Variants in ADGRB2 observed in about 807,000 individuals in gnomAD.
ADGRB2 encodes the protein adhesion G protein-coupled receptor B2, also known as brain-specific angiogenesis inhibitor 2.
In ADGRB2, 47 loss-of-function variants were observed where a neutral mutation model predicts 178.7. That is an observed-to-expected ratio of 0.26 (90% CI 0.21 to 0.34). The LOEUF is 0.34. Among genes scored for constraint, ADGRB2 ranks in the 10% least tolerant of loss-of-function variants. ADGRB2 has a pLI of 1.00. For missense variants in ADGRB2, 1,584 were observed against 2,180.8 expected, an observed-to-expected ratio of 0.73 and a Z score of 5.45; for synonymous variants, 870 against 912.4, an observed-to-expected ratio of 0.95 and a Z score of 0.84.
Position 31,744,243 on chromosome 1 carries a change from C to A in ADGRB2, c.1037G>T (p.Ser346Ile). 3.9e-6 allele frequency: 6 copies of A among 1,549,224 alleles called. No individual in the cohort carries two copies. Among genetic ancestry groups the A allele is most frequent in the Non-Finnish European group, 5.2e-6 (6 of 1,145,656 alleles). ...CVSSPYGTLC[S>I]GPLRETRPCN... ...GGGCCTGGTCTCCCGCAGGGGCCCGCTGCACAGGGTCCCATAGGGGGAGGA... is the reference window on the plus strand; with the variant it reads ...GGGCCTGGTCTCCCGCAGGGGCCCGATGCACAGGGTCCCATAGGGGGAGGA... The change falls in exon 6 of 33, where the codon AGC (serine) becomes ATC (isoleucine). Residue 346 changes from serine (S) to isoleucine (I), a missense_variant. By Grantham distance (142) the Ser-to-Ile change is moderately radical. This residue lies in a region of ADGRB2 where 657 missense variants were observed against 847.6 expected (regional missense o/e 0.78). Transcript: ENST00000373658. This position sits in a 1 kb window ranked among gnomAD's most constrained non-coding sequence, Gnocchi z 6.7.
At position 31,730,992 on chromosome 1, in the gene ADGRB2, G is replaced by T; in HGVS notation, c.4188C>A (p.Pro1396=). ...CCGAGTGGTCCACGGACAGGAAGCT[G>T]GGGTAGCCTTCAGTGTGGGCCACTG... ...AKTVAHTEGY[P]SFLSVDHSGL... The change falls in exon 29 of 33, where the codon CCC becomes CCA. Residue 1396 remains proline, a synonymous_variant. Transcript: ENST00000373658. The T allele has an allele frequency of 6.4e-7, 1 of 1,568,464 alleles. No homozygotes were observed. Among genetic ancestry groups the T allele is most frequent in the Admixed American group, 1.8e-5 (1 of 55,944 alleles).
intron 1 of ADGRB2, among the ~76,000 whole-genome samples, chr1:31,763,289 A>G (rs573502983): frequency 6.7e-6 from 1 of 148,350 alleles, no homozygotes; most frequent in African/African-American, 2.5e-5. Context: ...GACTCCGGTC[A>G]GATAGATATG....
chr1:31,733,979 A>G lies in ADGRB2; in HGVS notation c.3453-836T>C, dbSNP rs1363057293. ...CCTTCGCAAACACCCCCAGTGGGAG[A>G]GTCAGGCACAGCTCTAGGCATGGCA... is the stretch of plus-strand genomic sequence containing the variant. On this transcript the variant is annotated intron_variant, in intron 25 of 32. Transcript: ENST00000373658. This position sits in a 1 kb window ranked among gnomAD's most constrained non-coding sequence, Gnocchi z 4.3. 6.6e-6 allele frequency among the ~76,000 whole-genome samples: 1 copy of G among 152,172 alleles called. No homozygotes were observed. Among genetic ancestry groups the G allele is most frequent in the Non-Finnish European group, 1.5e-5 (1 of 68,026 alleles).
At chr1:31,748,637 C>T (rs1185440942) in intron 4 of ADGRB2, among the ~76,000 whole-genome samples, 3 of 152,242 alleles carry the variant, frequency 2.0e-5, no homozygotes, top group Non-Finnish European at 4.4e-5. Context: ...CTGAGTGTTC[C>T]ACCCAGTGAG....
In ADGRB2 at chr1:31,739,561, T is replaced by C. The variant is rs771213459; in HGVS notation, c.2242A>G (p.Met748Val). 3.1e-6 allele frequency: 5 copies of C among 1,612,508 alleles called. No homozygotes were observed. The highest frequency in any genetic ancestry group is 4.2e-6 in the Non-Finnish European group (5 of 1,179,580). The change falls in exon 15 of 33, where the codon ATG (methionine) becomes GTG (valine). Residue 748 changes from methionine to valine, a missense_variant. Coordinates refer to ENST00000373658, the MANE Select transcript of ADGRB2 (RefSeq NM_001364857.2). ...TCTGAGTGCCGCACCCAGTCCTTCA[T>C]GCCCCGGCGGCCCCGCATGGGGAAC... ...ITFPMRGRRGMKDWVRHSEDR... is the reference protein window; with the variant it reads ...ITFPMRGRRGVKDWVRHSEDR...
At position 31,728,749 on chromosome 1, in the gene ADGRB2, A is replaced by C; in HGVS notation, c.4381-116T>G. 1 of 1,251,416 alleles carries C rather than the reference A, an allele frequency of 8.0e-7. No individual in the cohort carries two copies. The allele number at this position is 1,251,416 out of a possible 1,614,324, so 77.5% of individuals were successfully genotyped here. A position where few individuals can be genotyped will look rare whatever the true frequency, so the allele number is the denominator to read the frequency against. ...GGTCTGCCCGCTGCACCTTCCCCCC[A>C]ACCCAGGCCCAGAAGTTGCGGACCT... On this transcript the variant is annotated intron_variant, in intron 29 of 32. Coordinates refer to ENST00000373658, the MANE Select transcript of ADGRB2 (RefSeq NM_001364857.2). This position sits in a 1 kb window ranked among gnomAD's most constrained non-coding sequence, Gnocchi z 6.7.
chr1:31,744,629 G>C lies in ADGRB2; in HGVS notation c.922+19C>G, dbSNP rs752408731. 1 of 1,613,176 alleles carries C rather than the reference G, an allele frequency of 6.2e-7. No homozygotes were observed. Among genetic ancestry groups the C allele is most frequent in the South Asian group, 1.1e-5 (1 of 90,950 alleles). ...AGTCGGGCCCCCGCCGCAGAGGAAGGGAGGCGGGCCCGAGTTACCTGTCTG... is the reference window on the plus strand; with the variant it reads ...AGTCGGGCCCCCGCCGCAGAGGAAGCGAGGCGGGCCCGAGTTACCTGTCTG... On this transcript the variant is annotated intron_variant, in intron 5 of 32. Transcript: ENST00000373658. This position sits in a 1 kb window ranked among gnomAD's most constrained non-coding sequence, Gnocchi z 6.7.
In ADGRB2 at chr1:31,728,327, T is replaced by A. The variant is rs774174333; in HGVS notation, c.4417-47A>T. ...AGGGTCGCTCCCCGGGGCAGCACCA[T>A]GATCCCCCCTACCCAGGGCACTCAG... On this transcript the variant is annotated intron_variant, in intron 30 of 32. Transcript: ENST00000373658. The surrounding 1 kb of genome is among the most constrained non-coding windows in gnomAD (Gnocchi z 6.7). 6.3e-7 allele frequency: 1 copy of A among 1,578,994 alleles called. No homozygotes were observed. The highest frequency in any genetic ancestry group is 2.2e-5 in the East Asian group (1 of 44,452).
Position 31,727,711 on chromosome 1 carries a change from A to C in ADGRB2, c.4573-106T>G. ...GAGAGGGCTGGTAATGCCCAAAGTTATGGAGCAATCAGGTGTCAAGCAGAA... is the reference window on the plus strand; with the variant it reads ...GAGAGGGCTGGTAATGCCCAAAGTTCTGGAGCAATCAGGTGTCAAGCAGAA... On this transcript the variant is annotated intron_variant, in intron 32 of 32. Coordinates refer to ENST00000373658, the MANE Select transcript of ADGRB2 (RefSeq NM_001364857.2). This position sits in a 1 kb window ranked among gnomAD's most constrained non-coding sequence, Gnocchi z 4.4. The C allele has an allele frequency of 8.2e-7, 1 of 1,218,258 alleles. No homozygotes were observed. Among genetic ancestry groups the C allele is most frequent in the Non-Finnish European group, 1.1e-6 (1 of 907,856 alleles). 75.5% of individuals were successfully genotyped at this position (1,218,258 alleles called of 1,614,324 possible).
chr1:31,731,073 A>G lies in ADGRB2; in HGVS notation c.4107T>C (p.Gly1369=). ...GCCGGGCCCTGGGGGCATCCTCACC[A>G]CCTCCACCCCCACCGCCAGGCTGCA... ...LSLQPGGGGG[G]GEDAPRARPE... Residue 1369 remains glycine, a synonymous_variant, in exon 29 of 33, where the codon GGT becomes GGC. Transcript: ENST00000373658. 1 of 1,575,194 alleles carries G rather than the reference A, an allele frequency of 6.3e-7. No homozygotes were observed. The highest frequency in any genetic ancestry group is 8.6e-7 in the Non-Finnish European group (1 of 1,160,540).
chr1:31,739,900 C>T (rs1451560271), intron 14 of ADGRB2, 26 bp downstream of exon 14: 1 of 1,599,220 alleles, frequency 6.3e-7, no homozygotes, highest in East Asian at 2.2e-5. Context: ...CATTCAGGAC[C>T]CCCACCCTTG....
At position 31,754,539 on chromosome 1, in the gene ADGRB2, G is replaced by C. The variant is rs1022843975; in HGVS notation, c.838+1460C>G. Among the ~76,000 whole-genome samples the C allele has an allele frequency of 2.6e-5, 4 of 152,230 alleles. No homozygotes were observed. The highest frequency in any genetic ancestry group is 7.2e-5 in the African/African-American group (3 of 41,448). On this transcript the variant is annotated intron_variant, in intron 4 of 32. Transcript: ENST00000373658. The surrounding 1 kb of genome is among the most constrained non-coding windows in gnomAD (Gnocchi z 5.7). ...TCTTCCTACAGGCACTAAATCCCAGGCCAGCCTCCAGGGCCTGTAACCTAC... is the reference window on the plus strand; with the variant it reads ...TCTTCCTACAGGCACTAAATCCCAGCCCAGCCTCCAGGGCCTGTAACCTAC...
Position 31,736,660 on chromosome 1 carries a change from G to A in ADGRB2, c.3043C>T (p.Leu1015Phe). ...FFFLSSFCWVLTEAWQSYLAV... is the reference protein window; with the variant it reads ...FFFLSSFCWVFTEAWQSYLAV... ...AGGTAGGACTGCCAGGCCTCGGTAA[G>A]CACCCAGCAAAAGGAGGAGAGAAAG... The change falls in exon 21 of 33, where the codon CTT becomes TTT. Residue 1015 changes from leucine (L) to phenylalanine (F), a missense_variant. Physicochemically the swap from Leu to Phe is conservative, Grantham distance 22. Around this residue, in one of 3 missense-constraint regions of ADGRB2, gnomAD observed 865 missense variants for 1,192.8 expected, o/e 0.73. Transcript: ENST00000373658. The A allele has an allele frequency of 6.2e-7, 1 of 1,614,134 alleles. No individual in the cohort carries two copies. The highest frequency in any genetic ancestry group is 8.5e-7 in the Non-Finnish European group (1 of 1,179,978).
In ADGRB2 at chr1:31,740,893, G is replaced by GTGCACACA. The variant is rs1553185142; in HGVS notation, c.1795-353_1795-352insTGTGTGCA. Among the ~76,000 whole-genome samples, 1 of 33,714 alleles carries GTGCACACA rather than the reference G, an allele frequency of 3.0e-5. No homozygotes were observed. Among genetic ancestry groups the GTGCACACA allele is most frequent in the African/African-American group, 7.7e-5 (1 of 13,018 alleles). 22.1% of individuals were successfully genotyped at this position (33,714 alleles called of 152,430 possible). A position where few individuals can be genotyped will look rare whatever the true frequency, so the allele number is the denominator to read the frequency against. On this transcript the variant is annotated intron_variant, in intron 11 of 32. Transcript: ENST00000373658. This position sits in a 1 kb window ranked among gnomAD's most constrained non-coding sequence, Gnocchi z 5.9. ...GTAATGAGCATGTGTGTGGGCGCGC[G>GTGCACACA]CGCACACACACACACACACACACAC...
chr1:31,741,884 T>G lies in ADGRB2; in HGVS notation c.1501A>C (p.Met501Leu), dbSNP rs1329265694. ...CCCTGCGTGCCCGTGGCCTGGCACA[T>G]GCGGAAGCGGCGCTGCCAGCCTGTG... ...CDTGWQRRFR[M>L]CQATGTQGYP... Residue 501 changes from methionine (M) to leucine (L), a missense_variant, in exon 9 of 33, where the codon ATG becomes CTG. Met to Leu is a conservative substitution (Grantham distance 15). Coordinates refer to ENST00000373658, the MANE Select transcript of ADGRB2 (RefSeq NM_001364857.2). This position sits in a 1 kb window ranked among gnomAD's most constrained non-coding sequence, Gnocchi z 6.5. The G allele has an allele frequency of 1.9e-6, 3 of 1,611,580 alleles. No individual in the cohort carries two copies. The South Asian group carries it at 3.3e-5, about 18-fold the overall frequency.
intron 1 of ADGRB2, among the ~76,000 whole-genome samples, chr1:31,763,221 G>A (rs905597655): frequency 2.1e-4 from 31 of 151,016 alleles, no homozygotes; most frequent in African/African-American, 7.3e-4. Flanking sequence ...CGGGGGACAC[G>A]GCCCCAATTC....
In ADGRB2 at chr1:31,759,596, G is replaced by A. The variant is rs1646982950; in HGVS notation, c.-190-2085C>T. ...TTCAGACACCTTCACGCTCATTCTGGGATTTCGTCCTGGACATGCGTAACC... is the reference window on the plus strand; with the variant it reads ...TTCAGACACCTTCACGCTCATTCTGAGATTTCGTCCTGGACATGCGTAACC... On this transcript the variant is annotated intron_variant, in intron 1 of 32. Transcript: ENST00000373658. The surrounding 1 kb of genome is among the most constrained non-coding windows in gnomAD (Gnocchi z 4.3). Among the ~76,000 whole-genome samples the A allele has an allele frequency of 6.6e-6, 1 of 152,196 alleles. No homozygotes were observed. The highest frequency in any genetic ancestry group is 6.5e-5 in the Admixed American group (1 of 15,286).
chr1:31,739,213 G>A (rs1301867571), intron 15 of ADGRB2, 95 bp downstream of exon 15: 1 of 1,286,890 alleles, frequency 7.8e-7, no homozygotes, highest in Non-Finnish European at 1.0e-6. Context: ...GGCTGCCATG[G>A]ATCTCTCTGC....
chr1:31,735,352 C>T lies in ADGRB2; in HGVS notation c.3354-71G>A. 7.8e-7 allele frequency: 1 copy of T among 1,281,478 alleles called. No individual in the cohort carries two copies. The highest frequency in any genetic ancestry group is 1.1e-6 in the Non-Finnish European group (1 of 919,358). 79.4% of individuals were successfully genotyped at this position (1,281,478 alleles called of 1,614,324 possible). A position where few individuals can be genotyped will look rare whatever the true frequency, so the allele number is the denominator to read the frequency against. ...AAGCCGGGAGATGGGGCAGAATGAG[C>T]CCCGAGTGGGGTGGGAGGGGAGGGC... is the stretch of plus-strand genomic sequence containing the variant. On this transcript the variant is annotated intron_variant, in intron 24 of 32. Coordinates refer to ENST00000373658, the MANE Select transcript of ADGRB2 (RefSeq NM_001364857.2). This position sits in a 1 kb window ranked among gnomAD's most constrained non-coding sequence, Gnocchi z 6.0.
Sources: allele counts gnomAD v4.1 joint callset (sites outside exome capture counted in the v4.1 genomes callset), GRCh38; gene constraint gnomAD v4.1.1; regional missense constraint gnomAD v4.1.1; non-coding constraint Gnocchi (gnomAD v3.1); transcripts MANE v1.5; gene names NCBI Gene and HGNC (gene_info 2026-07-23, HGNC 2026-07-21).